The following ANKRD27 variants were observed in gnomAD, a reference collection of about 807,000 sequenced individuals.
ANKRD27 encodes ankyrin repeat domain 27, also known as ankyrin repeat domain-containing protein 27.
In ANKRD27, 112 loss-of-function variants were observed where a neutral mutation model predicts 129.7. The ratio of observed to expected loss-of-function variants is 0.86; its 90% CI spans 0.74 to 1.01. The LOEUF (loss-of-function observed/expected upper bound fraction) is 1.01, where lower values mean the gene tolerates loss of function less well. Ranked by LOEUF, ANKRD27 falls within the 50% of genes least tolerant of loss-of-function variation. The pLI, the probability that ANKRD27 is intolerant of heterozygous loss-of-function variation, is 0.00. For missense variants in ANKRD27, 1,258 were observed against 1,300.5 expected (o/e 0.97, Z 0.50); for synonymous variants, 516 against 511.2 (o/e 1.01, Z -0.13).
Position 32,612,340 on chromosome 19 carries a change from A to G in ANKRD27, c.2175+3318T>C, listed in dbSNP as rs529068802. ...TAGGTTTAATGTAATTCCTATCAAA[A>G]TCCGAGCAAGGTATTTTGTAGACAT... On this transcript the variant is annotated intron_variant, in intron 22 of 28. Coordinates refer to ENST00000306065, the MANE Select transcript of ANKRD27 (RefSeq NM_032139.3). 1.4e-4 allele frequency among the ~76,000 whole-genome samples: 21 copies of G among 152,338 alleles called. No homozygotes were observed. In the East Asian group the frequency reaches 3.9e-3, roughly 28 times the overall value.
intron 23 of ANKRD27, 95 bp downstream of exon 23, chr19:32,607,540 G>T: frequency 7.0e-7 from 1 of 1,429,798 alleles, no homozygotes; most frequent in Non-Finnish European, 9.5e-7. Flanking sequence ...TGTCCTCCAG[G>T]GTAGCCACCA....
intron 1 of ANKRD27, among the ~76,000 whole-genome samples, chr19:32,673,917 CG>C (rs142293593): frequency 1.4e-3 from 217 of 150,584 alleles, no homozygotes; most frequent in African/African-American, 4.5e-3. Context: ...GAGGCCAAGA[CG>C]AGAGCATGGC....
chr19:32,650,651 C>A (rs1967396063), intron 2 of ANKRD27, among the ~76,000 whole-genome samples: 1 of 149,658 alleles, frequency 6.7e-6, no homozygotes, highest in Non-Finnish European at 1.5e-5. Context: ...CTACTCCAGC[C>A]TGGGCTGCAG....
chr19:32,629,957 G>C (rs1186387880), intron 13 of ANKRD27, among the ~76,000 whole-genome samples: 1 of 150,566 alleles, frequency 6.6e-6, no homozygotes, highest in Non-Finnish European at 1.5e-5. Context: ...GGCTGGAGTA[G>C]AGTGGCACAA....
In ANKRD27 at chr19:32,639,366, G is replaced by C. The variant is rs761372641; in HGVS notation, c.1106C>G (p.Ala369Gly). 2 of 1,614,206 alleles carry C rather than the reference G, an allele frequency of 1.2e-6. No homozygotes were observed. Among genetic ancestry groups the C allele is most frequent in the Non-Finnish European group, 1.7e-6 (2 of 1,180,038 alleles). The part of the protein sequence containing the change: ...IEYIRQGSLS[A>G]KPPESEGFGD... ...GGGGTGAGATCTTACAGGGGGTTTA[G>C]CAGAGAGGCTTCCTTGCCGAATATA... Residue 369 changes from alanine (A) to glycine (G), a missense_variant, in exon 12 of 29, where the codon GCT becomes GGT. Physicochemically the swap from Ala to Gly is moderately conservative, Grantham distance 60. Transcript: ENST00000306065.
rs140384190 is a variant in ANKRD27, at chr19:32,610,451, C to T, written c.2176-2619G>A. 2.0e-5 allele frequency among the ~76,000 whole-genome samples: 3 copies of T among 148,924 alleles called. No homozygotes were observed. In the East Asian group the frequency reaches 5.9e-4, roughly 30 times the overall value. ...AGTGAGCTATGATTGCAACACTGCA[C>T]TCTGGCCTTGGTGACAGACCAAGAC... On this transcript the variant is annotated intron_variant, in intron 22 of 28. Transcript: ENST00000306065.
chr19:32,626,680 C>A, intron 16 of ANKRD27, 32 bp downstream of exon 16: 3 of 1,529,010 alleles, frequency 2.0e-6, no homozygotes, highest in South Asian at 1.2e-5. Context: ...AGGAGCAAAG[C>A]GACAGCCCGC....
At chr19:32,606,148 TTTC>T (rs1971731822) in intron 23 of ANKRD27, among the ~76,000 whole-genome samples, 194 bp from the exon 24 acceptor site, 1 of 114,038 alleles carries the variant, frequency 8.8e-6, no homozygotes, top group Non-Finnish European at 1.7e-5. Context: ...TTGGTTTTTC[TTTC>T]TTTTTTTTTT....
At chr19:32,668,706 C>T (rs1967808113) in intron 1 of ANKRD27, among the ~76,000 whole-genome samples, 1 of 151,930 alleles carries the variant, frequency 6.6e-6, no homozygotes, top group Non-Finnish European at 1.5e-5. Flanking sequence ...CTGTCTCGGA[C>T]TCCAGGGTGC....
chr19:32,648,735 G>C (rs1442483698), intron 3 of ANKRD27, among the ~76,000 whole-genome samples: 3 of 151,268 alleles, frequency 2.0e-5, no homozygotes. Context: ...GGGAGGCGGA[G>C]CTCGCAGTGA....
intron 9 of ANKRD27, 33 bp from the exon 10 acceptor site, chr19:32,642,178 A>G: frequency 6.4e-7 from 1 of 1,553,972 alleles, no homozygotes; most frequent in Non-Finnish European, 8.7e-7. Context: ...ACAACTTCAG[A>G]GCACAGTAAG....
chr19:32,612,130 AAAG>A (rs1475309404), intron 22 of ANKRD27, among the ~76,000 whole-genome samples: 4 of 152,332 alleles, frequency 2.6e-5, no homozygotes, highest in South Asian at 2.1e-4. Flanking sequence ...CAACTGCTTG[AAAG>A]AAGATGAAAT....
At chr19:32,656,059 AAAAGAAAGAAAG>A (rs752509674) in intron 2 of ANKRD27, among the ~76,000 whole-genome samples, 38 of 65,920 alleles carry the variant, frequency 5.8e-4, no homozygotes, top group Admixed American at 1.5e-3. Context: ...GAAAAGAAAG[AAAAGAAAGAAAG>A]AAAGAAAGAA....
chr19:32,607,131 C>T (rs928817080), intron 23 of ANKRD27, among the ~76,000 whole-genome samples: 10 of 103,376 alleles, frequency 9.7e-5, no homozygotes, highest in African/African-American at 3.8e-4. Flanking sequence ...GGAGACAGAG[C>T]AAGGTGATGT....
chr19:32,600,271 G>A (rs1010239466), intron 26 of ANKRD27: 9 of 407,748 alleles, frequency 2.2e-5, no homozygotes, highest in African/African-American at 1.4e-4. Context: ...TGGGTGCAGT[G>A]GCTCATGCCT....
chr19:32,607,486 G>A (rs1971761615), intron 23 of ANKRD27, 149 bp downstream of exon 23: 1 of 923,680 alleles, frequency 1.1e-6, no homozygotes, highest in Non-Finnish European at 1.6e-6. Context: ...GAGGCTGAGT[G>A]GCCTACCGTG....
At chr19:32,646,690 A>G in intron 3 of ANKRD27, 75 bp from the exon 4 acceptor site, 1 of 1,518,340 alleles carries the variant, frequency 6.6e-7, no homozygotes, top group Non-Finnish European at 8.9e-7. Flanking sequence ...CCCCCGATGC[A>G]GCACTTAACC....
intron 22 of ANKRD27, among the ~76,000 whole-genome samples, chr19:32,612,986 GA>G: frequency 6.6e-6 from 1 of 152,200 alleles, no homozygotes; most frequent in Admixed American, 6.5e-5. Flanking sequence ...CCCATGTGAG[GA>G]AATTATAGAC....
intron 1 of ANKRD27, among the ~76,000 whole-genome samples, chr19:32,663,873 G>A (rs961674170): frequency 4.6e-5 from 7 of 151,422 alleles, no homozygotes; most frequent in Admixed American, 4.6e-4. Flanking sequence ...CGGCTAAAAC[G>A]GTGAAACCCC....
Sources: gnomAD v4.1 joint callset for allele counts (sites outside exome capture counted in the v4.1 genomes callset) on GRCh38, gnomAD v4.1.1 for gene constraint, MANE v1.5 for transcripts, NCBI Gene and HGNC (gene_info 2026-07-23, HGNC 2026-07-21) for gene names.